Variants in CHRM3 observed in about 807,000 individuals in gnomAD.
The protein encoded by CHRM3 is muscarinic acetylcholine receptor M3.
CHRM3 carries 11 observed loss-of-function variants against 41.8 expected under a neutral mutation model. That is an observed-to-expected ratio of 0.26 (90% confidence interval 0.17 to 0.44). The LOEUF is 0.44. Ranked by LOEUF, CHRM3 falls within the 20% of genes least tolerant of loss-of-function variation. The pLI is 1.00. For synonymous variants in CHRM3, 297 were observed against 301.4 expected (o/e 0.99, Z 0.15); for missense variants, 571 against 745.4 (o/e 0.77, Z 2.72).
intron 6 of CHRM3, among the ~76,000 whole-genome samples, chr1:239,890,837 C>G (rs954211547): frequency 6.6e-6 from 1 of 152,194 alleles, no homozygotes; most frequent in Non-Finnish European, 1.5e-5. Context: ...TTTGGAGAAG[C>G]TTGGCCATTC....
chr1:239,624,567 C>G (rs1668822159), intron 3 of CHRM3, among the ~76,000 whole-genome samples: 2 of 151,382 alleles, frequency 1.3e-5, no homozygotes, highest in Non-Finnish European at 2.9e-5. Context: ...GACATGAAGT[C>G]CTTGCCCACA....
chr1:239,555,276 C>T (rs544263604), intron 3 of CHRM3, among the ~76,000 whole-genome samples: 1 of 152,280 alleles, frequency 6.6e-6, no homozygotes, highest in South Asian at 2.1e-4. Context: ...AAGTTTAAGT[C>T]TTCTCTGTGC....
chr1:239,516,967 C>A (rs1669314483), intron 2 of CHRM3, among the ~76,000 whole-genome samples: 1 of 152,048 alleles, frequency 6.6e-6, no homozygotes, highest in South Asian at 2.1e-4. Flanking sequence ...TAAGATGTGA[C>A]AATCTAGTTG....
rs58029689 is a variant in CHRM3, at chr1:239,782,853, G to A, written c.-146-44399G>A. On this transcript the variant is annotated intron_variant, in intron 5 of 6. Coordinates refer to ENST00000676153, the MANE Select transcript of CHRM3 (RefSeq NM_001375978.1). ...CAAAATATTCCAAATTTCTTTTTGC[G>A]ATTTCTTCTTTGACACATATATTAT... 3.1e-3 allele frequency among the ~76,000 whole-genome samples: 476 copies of A among 152,098 alleles called. 4 individuals carry two copies. Among genetic ancestry groups the A allele is most frequent in the African/African-American group, 0.011 (442 of 41,554 alleles).
chr1:239,574,469 C>A (rs1418170477), intron 3 of CHRM3, among the ~76,000 whole-genome samples: 1 of 152,132 alleles, frequency 6.6e-6, no homozygotes, highest in African/African-American at 2.4e-5. Context: ...CACTGGCCAG[C>A]TCCCTTACTA....
intron 1 of CHRM3, among the ~76,000 whole-genome samples, chr1:239,436,442 G>A (rs1572291528): frequency 6.6e-6 from 1 of 152,172 alleles, no homozygotes; most frequent in Middle Eastern, 3.4e-3. Context: ...TAGGAGATGA[G>A]TGGTCTGGCT....
At chr1:239,510,519 G>T (rs886748144) in intron 2 of CHRM3, among the ~76,000 whole-genome samples, 23 of 151,988 alleles carry the variant, frequency 1.5e-4, no homozygotes, top group Non-Finnish European at 2.4e-4. Flanking sequence ...TGTACCTGGA[G>T]CAGATACTAA....
intron 5 of CHRM3, among the ~76,000 whole-genome samples, chr1:239,725,209 C>T (rs1663326004): frequency 6.6e-6 from 1 of 151,874 alleles, no homozygotes; most frequent in African/African-American, 2.4e-5. Context: ...ATAACGCTAG[C>T]ATACTTTATG....
chr1:239,392,648 C>T (rs1254551920), intron 1 of CHRM3, among the ~76,000 whole-genome samples: 1 of 152,224 alleles, frequency 6.6e-6, no homozygotes, highest in Non-Finnish European at 1.5e-5. Flanking sequence ...CAAGTGTGTA[C>T]TTCCCTGCAT....
chr1:239,460,266 G>C (rs1201244847), intron 1 of CHRM3, among the ~76,000 whole-genome samples: 1 of 152,084 alleles, frequency 6.6e-6, no homozygotes, highest in Non-Finnish European at 1.5e-5. Context: ...TGGACCTTTT[G>C]TACTTCTCTG....
rs143225361 is a variant in CHRM3, at chr1:239,454,573, G to A, written c.-520-38136G>A. Among the ~76,000 whole-genome samples, 548 of 151,926 alleles carry A rather than the reference G, an allele frequency of 3.6e-3. 2 individuals are homozygous for A. Among genetic ancestry groups the A allele is most frequent in the Middle Eastern group, 0.017 (5 of 294 alleles). Reference sequence around the variant, plus strand: ...TGTTCAGCACTTCTCGCCTTTCCAGGTTAGGAGGTGGGGCTAAAAGTTCCA... The same window carrying A: ...TGTTCAGCACTTCTCGCCTTTCCAGATTAGGAGGTGGGGCTAAAAGTTCCA... On this transcript the variant is annotated intron_variant, in intron 1 of 6. Coordinates refer to ENST00000676153, the MANE Select transcript of CHRM3 (RefSeq NM_001375978.1).
intron 3 of CHRM3, among the ~76,000 whole-genome samples, chr1:239,619,957 C>G (rs2148808286): frequency 6.6e-6 from 1 of 152,146 alleles, no homozygotes; most frequent in African/African-American, 2.4e-5. Context: ...CTAAATGGAG[C>G]CATCTCTGGC....
intron 2 of CHRM3, among the ~76,000 whole-genome samples, chr1:239,538,651 C>G (rs1328178238): frequency 6.6e-6 from 1 of 152,198 alleles, no homozygotes; most frequent in Non-Finnish European, 1.5e-5. Context: ...ATTGGAACAT[C>G]AGCATAGCAC....
At chr1:239,404,822 G>A (rs1329782882) in intron 1 of CHRM3, among the ~76,000 whole-genome samples, 2 of 142,192 alleles carry the variant, frequency 1.4e-5, no homozygotes, top group African/African-American at 2.6e-5. Flanking sequence ...TCAAATATAC[G>A]CAGTTCTTAA....
chr1:239,613,404 C>T (rs1003166516), intron 3 of CHRM3, among the ~76,000 whole-genome samples: 24 of 152,208 alleles, frequency 1.6e-4, no homozygotes, highest in African/African-American at 5.8e-4. Context: ...AACAATGTTA[C>T]ATCTATATGC....
chr1:239,410,469 CCATTTT>C (rs1179493846), intron 1 of CHRM3, among the ~76,000 whole-genome samples: 1 of 152,116 alleles, frequency 6.6e-6, no homozygotes, highest in East Asian at 1.9e-4. Context: ...CTCTAAGAAC[CCATTTT>C]CAAGGCCTAG....
chr1:239,394,558 G>A (rs779103080), intron 1 of CHRM3, among the ~76,000 whole-genome samples: 3 of 152,234 alleles, frequency 2.0e-5, no homozygotes, highest in South Asian at 2.1e-4. Context: ...TGGAGGGACC[G>A]CCATTCAGAC....
intron 3 of CHRM3, among the ~76,000 whole-genome samples, chr1:239,565,200 CAA>C (rs1428955592): frequency 6.6e-6 from 1 of 152,162 alleles, no homozygotes; most frequent in East Asian, 1.9e-4. Context: ...ATTACATCTG[CAA>C]AGACCCTTTT....
At chr1:239,666,917 A>G (rs1391361424) in intron 4 of CHRM3, among the ~76,000 whole-genome samples, 1 of 152,116 alleles carries the variant, frequency 6.6e-6, no homozygotes. Flanking sequence ...GAGAACATGC[A>G]GTATTTGGGT....
Sources: allele counts gnomAD v4.1 joint callset (sites outside exome capture counted in the v4.1 genomes callset), GRCh38; gene constraint gnomAD v4.1.1; transcripts MANE v1.5; gene names NCBI Gene and HGNC (gene_info 2026-07-23, HGNC 2026-07-21).